THRB: variants seen among roughly 807,000 people sequenced by gnomAD.
The protein encoded by THRB is nuclear receptor subfamily 1 group A member 2.
In THRB, 12 loss-of-function variants were observed where a neutral mutation model predicts 47.8. That is an observed-to-expected ratio of 0.25 (90% CI 0.16 to 0.41). THRB has a LOEUF of 0.41. Among genes scored for constraint, THRB ranks in the 10% least tolerant of loss-of-function variants. The probability of loss-of-function intolerance (pLI) is 1.00; values close to 1 mark genes in which losing one functional copy is unlikely to be tolerated. For missense variants in THRB, 348 were observed against 589.2 expected (o/e 0.59, Z 4.24); for synonymous variants, 218 against 212.2 (o/e 1.03, Z -0.24).
intron 10 of THRB, among the ~76,000 whole-genome samples, chr3:24,123,503 A>G (rs2032101047): frequency 6.6e-6 from 1 of 152,124 alleles, no homozygotes; most frequent in Non-Finnish European, 1.5e-5. Flanking sequence ...GGCAGAGAGG[A>G]GAGGATGAGC....
intron 9 of THRB, among the ~76,000 whole-genome samples, chr3:24,131,354 A>G (rs1575292452): frequency 6.6e-6 from 1 of 152,306 alleles, no homozygotes; most frequent in East Asian, 1.9e-4. Context: ...ATCCTCTAAA[A>G]TGTTAATAGA....
At chr3:24,319,983 C>T (rs2058375416) in intron 2 of THRB, among the ~76,000 whole-genome samples, 1 of 152,156 alleles carries the variant, frequency 6.6e-6, no homozygotes, top group Admixed American at 6.5e-5. Flanking sequence ...AGCATGACTC[C>T]CTTTTGGGGA....
intron 1 of THRB, among the ~76,000 whole-genome samples, chr3:24,455,901 T>C (rs1325746525): frequency 2.0e-5 from 3 of 152,226 alleles, no homozygotes; most frequent in Non-Finnish European, 4.4e-5. Context: ...ATCACTGTTA[T>C]TGCTCAATTC....
intron 1 of THRB, among the ~76,000 whole-genome samples, chr3:24,394,758 C>T (rs952240203): frequency 8.6e-5 from 13 of 151,970 alleles, no homozygotes; most frequent in African/African-American, 3.1e-4. Context: ...TGGATTCGTG[C>T]AATAAAGGAA....
chr3:24,235,810 A>T (rs1484156220), intron 3 of THRB, among the ~76,000 whole-genome samples: 1 of 152,098 alleles, frequency 6.6e-6, no homozygotes, highest in Admixed American at 6.5e-5. Flanking sequence ...GACATGCTAG[A>T]TTTCCTAGGA....
chr3:24,275,577 AT>A (rs2150728556), intron 3 of THRB, among the ~76,000 whole-genome samples: 1 of 152,282 alleles, frequency 6.6e-6, no homozygotes, highest in African/African-American at 2.4e-5. Context: ...CACCATCATC[AT>A]GTCACTGTTT....
chr3:24,155,922 C>G (rs1249041017), intron 5 of THRB, among the ~76,000 whole-genome samples: 1 of 152,174 alleles, frequency 6.6e-6, no homozygotes, highest in Non-Finnish European at 1.5e-5. Flanking sequence ...AATTAAGGTC[C>G]ATGACAATAT....
chr3:24,284,827 A>G (rs1403517999), intron 3 of THRB, among the ~76,000 whole-genome samples: 1 of 152,116 alleles, frequency 6.6e-6, no homozygotes, highest in Non-Finnish European at 1.5e-5. Flanking sequence ...AAACACATGA[A>G]AAAATGCTCA....
At chr3:24,223,137 T>C (rs2047325361) in intron 4 of THRB, among the ~76,000 whole-genome samples, 1 of 152,220 alleles carries the variant, frequency 6.6e-6, no homozygotes, top group East Asian at 1.9e-4. Context: ...GGGGATTGAC[T>C]GTCCTGAGTT....
chr3:24,339,575 T>A (rs1406422789), intron 1 of THRB, among the ~76,000 whole-genome samples: 1 of 152,038 alleles, frequency 6.6e-6, no homozygotes, highest in Non-Finnish European at 1.5e-5. Context: ...GTCACTGAGG[T>A]GGTTTCCAAC....
At chr3:24,249,955 A>G (rs73148304) in intron 3 of THRB, among the ~76,000 whole-genome samples, 5,057 of 152,246 alleles carry the variant, frequency 0.033, 268 homozygotes, top group African/African-American at 0.11. Context: ...AGTCTTCACC[A>G]TTACTTTTAA....
intron 2 of THRB, among the ~76,000 whole-genome samples, chr3:24,313,493 A>G (rs1438255871): frequency 6.6e-6 from 1 of 152,178 alleles, no homozygotes; most frequent in Non-Finnish European, 1.5e-5. Context: ...ATCTCAATTG[A>G]ACATTTTAAA....
At chr3:24,446,400 A>G (rs559107000) in intron 1 of THRB, among the ~76,000 whole-genome samples, 4 of 152,104 alleles carry the variant, frequency 2.6e-5, no homozygotes, top group Non-Finnish European at 5.9e-5. Context: ...CCTTCCACTC[A>G]AAGTCTGGCC....
At chr3:24,162,057 T>C (rs1251775717) in intron 5 of THRB, among the ~76,000 whole-genome samples, 1 of 151,984 alleles carries the variant, frequency 6.6e-6, no homozygotes, top group Non-Finnish European at 1.5e-5. Flanking sequence ...AATCGAGAGG[T>C]TGACCTGCAA....
chr3:24,213,531 G>A (rs2046273348), intron 4 of THRB, among the ~76,000 whole-genome samples: 1 of 152,122 alleles, frequency 6.6e-6, no homozygotes, highest in South Asian at 2.1e-4. Context: ...GGGTAGAGAA[G>A]AACCACATAT....
intron 5 of THRB, among the ~76,000 whole-genome samples, chr3:24,173,208 T>TAGTAAAGGCTGA (rs1293731804): frequency 3.2e-4 from 48 of 152,266 alleles, no homozygotes; most frequent in South Asian, 1.2e-3. Context: ...ACCACTGTCT[T>TAGTAAAGGCTGA]AGTAAAGGCT....
At chr3:24,233,478 T>A (rs1341539460) in intron 3 of THRB, among the ~76,000 whole-genome samples, 17 of 58,534 alleles carry the variant, frequency 2.9e-4, no homozygotes, top group African/African-American at 6.2e-4. Context: ...AAGAAAGAAA[T>A]AAGAAAAGAA....
At position 24,206,359 on chromosome 3, in the gene THRB, GCT is replaced by G. The variant is rs1575863523; in HGVS notation, c.23-16027_23-16026del. On this transcript the variant is annotated intron_variant, in intron 4 of 10. Transcript: ENST00000646209. ...AGGATTAAGAAACTCACTCAAAACC[GCT>G]CAACTACATGGAAACTGAACAACCT... is the stretch of plus-strand genomic sequence containing the variant. Among the ~76,000 whole-genome samples the G allele has an allele frequency of 3.3e-5, 5 of 152,182 alleles. No individual in the cohort carries two copies. In the East Asian group the frequency reaches 9.6e-4, roughly 29 times the overall value.
chr3:24,229,525 C>G (rs181744897), intron 3 of THRB, among the ~76,000 whole-genome samples: 120 of 152,322 alleles, frequency 7.9e-4, no homozygotes, highest in Admixed American at 7.8e-3. Flanking sequence ...ATATTCTCAT[C>G]TGCCCATTTA....
Sources: gnomAD v4.1 joint callset for allele counts (sites outside exome capture counted in the v4.1 genomes callset) on GRCh38, gnomAD v4.1.1 for gene constraint, MANE v1.5 for transcripts, NCBI Gene and HGNC (gene_info 2026-07-23, HGNC 2026-07-21) for gene names.